Variants in TTBK2 observed in about 807,000 individuals in gnomAD.
The protein encoded by TTBK2 is tau-tubulin kinase 2.
A neutral mutation model predicts 110.8 loss-of-function variants in TTBK2; 28 were observed. The observed-to-expected ratio is 0.25, with a 90% CI of 0.19 to 0.35. The LOEUF is 0.35. TTBK2 is among the 10% of genes least tolerant of loss of function. The pLI is 1.00. For synonymous variants in TTBK2, 532 were observed against 527.3 expected (o/e 1.01, Z -0.12); for missense variants, 1,369 against 1,500.3 (o/e 0.91, Z 1.45).
chr15:42,907,073 C>T (rs1246147847), intron 1 of TTBK2, among the ~76,000 whole-genome samples: 3 of 151,300 alleles, frequency 2.0e-5, no homozygotes, highest in Non-Finnish European at 4.4e-5. Context: ...TGAAAAAATG[C>T]TTAATATCAC....
chr15:42,862,489 T>G (rs1309440416), intron 3 of TTBK2, among the ~76,000 whole-genome samples: 1 of 152,090 alleles, frequency 6.6e-6, no homozygotes, highest in Non-Finnish European at 1.5e-5. Flanking sequence ...AAAAACCATA[T>G]AGTCATCTCA....
chr15:42,748,697 GCCA>G (rs2061827537), intron 14 of TTBK2, among the ~76,000 whole-genome samples: 1 of 152,042 alleles, frequency 6.6e-6, no homozygotes, highest in East Asian at 1.9e-4. Flanking sequence ...ACAGGTGTGA[GCCA>G]CCACATTTGG....
At chr15:42,781,963 T>C (rs138682466) in intron 11 of TTBK2, among the ~76,000 whole-genome samples, 4 of 152,260 alleles carry the variant, frequency 2.6e-5, no homozygotes, top group Admixed American at 2.0e-4. Flanking sequence ...CTTTTATATA[T>C]AGTATAAGTA....
intron 3 of TTBK2, among the ~76,000 whole-genome samples, chr15:42,857,062 C>CAAA (rs766162513): frequency 9.2e-6 from 1 of 108,898 alleles, no homozygotes; most frequent in African/African-American, 3.2e-5. Context: ...CTCTGTCTCA[C>CAAA]AAAAAAAAAA....
At chr15:42,898,115 T>G (rs1895739516) in intron 1 of TTBK2, among the ~76,000 whole-genome samples, 1 of 152,188 alleles carries the variant, frequency 6.6e-6, no homozygotes. Flanking sequence ...CGAGGCTAAC[T>G]GCTTATGACG....
intron 3 of TTBK2, among the ~76,000 whole-genome samples, chr15:42,852,450 A>C (rs1206227834): frequency 6.6e-6 from 1 of 152,228 alleles, no homozygotes; most frequent in South Asian, 2.1e-4. Flanking sequence ...AAAGGGAAAA[A>C]GTAAAATATC....
At chr15:42,903,026 C>CTTTTTAAT (rs2030158394) in intron 1 of TTBK2, among the ~76,000 whole-genome samples, 2 of 150,562 alleles carry the variant, frequency 1.3e-5, no homozygotes, top group South Asian at 4.2e-4. Flanking sequence ...AAAGGGAATT[C>CTTTTTAAT]TTTTTAATTT....
rs2061873319 is a variant in TTBK2 at position 42,752,068 on chromosome 15, C to G, written c.3178G>C (p.Val1060Leu). The change falls in exon 14 of 15, where the codon GTC (valine) becomes CTC (leucine). Residue 1060 changes from valine (V) to leucine (L), a missense_variant. Physicochemically the swap from Val to Leu is conservative, Grantham distance 32 (BLOSUM62 1). This residue lies in a region of TTBK2 where 1,097 missense variants were observed against 1,114.7 expected (regional missense o/e 0.98). Transcript: ENST00000267890. ...KSKIPRPVSW[V>L]NTDQVNSSTS... is the part of the protein sequence containing the mutation. ...GAGCTATTGACCTGATCTGTGTTGA[C>G]CCATGAAACTGGCCTTGGAATTTTG... The G allele has an allele frequency of 6.2e-7, 1 of 1,614,074 alleles. No homozygotes were observed. Among genetic ancestry groups the G allele is most frequent in the African/African-American group, 1.3e-5 (1 of 74,922 alleles).
intron 4 of TTBK2, among the ~76,000 whole-genome samples, chr15:42,836,257 A>T (rs1293777140): frequency 1.3e-5 from 2 of 152,172 alleles, no homozygotes; most frequent in Admixed American, 6.5e-5. Context: ...TTCCTTAAAA[A>T]TTTTTAAGGC....
intron 4 of TTBK2, among the ~76,000 whole-genome samples, chr15:42,834,872 G>A (rs1025597869): frequency 2.0e-5 from 3 of 151,910 alleles, no homozygotes; most frequent in Admixed American, 2.0e-4. Context: ...GTGAGATTCC[G>A]TCTCAAAAAA....
intron 10 of TTBK2, among the ~76,000 whole-genome samples, chr15:42,791,081 G>GT (rs1890655291): frequency 6.6e-6 from 1 of 152,086 alleles, no homozygotes; most frequent in Admixed American, 6.6e-5. Context: ...TAGAGACGGG[G>GT]TTTCACTGTG....
intron 10 of TTBK2, among the ~76,000 whole-genome samples, chr15:42,787,645 A>C (rs1036780057): frequency 6.6e-6 from 1 of 152,234 alleles, no homozygotes; most frequent in Non-Finnish European, 1.5e-5. Flanking sequence ...AATTGTCAAC[A>C]TAAGTATCAT....
intron 12 of TTBK2, 65 bp downstream of exon 12, chr15:42,776,966 C>A: frequency 6.7e-7 from 1 of 1,495,498 alleles, no homozygotes; most frequent in Non-Finnish European, 9.3e-7. Flanking sequence ...ATAATAATAA[C>A]AACAATGACA....
intron 3 of TTBK2, among the ~76,000 whole-genome samples, chr15:42,852,547 G>A (rs1393123784): frequency 6.6e-6 from 1 of 152,150 alleles, no homozygotes; most frequent in Non-Finnish European, 1.5e-5. Flanking sequence ...TGCATATGGA[G>A]CATATATAAA....
chr15:42,880,971 G>C (rs898905350), intron 1 of TTBK2, among the ~76,000 whole-genome samples: 1 of 151,850 alleles, frequency 6.6e-6, no homozygotes, highest in Non-Finnish European at 1.5e-5. Context: ...CTGAGTTTGT[G>C]CCATAGTCAC....
At chr15:42,763,314 A>C (rs1457156221) in intron 13 of TTBK2, among the ~76,000 whole-genome samples, 2 of 136,882 alleles carry the variant, frequency 1.5e-5, no homozygotes, top group Admixed American at 7.8e-5. Flanking sequence ...CCTGGGTTCA[A>C]GCAGTTCTCC....
In TTBK2 at chr15:42,878,490, TATACAC is replaced by T. The variant is rs1388356168; in HGVS notation, c.69+53_69+58del. 6.7e-6 allele frequency: 9 copies of T among 1,343,858 alleles called. No homozygotes were observed. In the African/African-American group the frequency reaches 2.2e-4, roughly 33 times the overall value. The allele number at this position is 1,343,858 out of a possible 1,614,324, so 83.2% of individuals were successfully genotyped here. On this transcript the variant is annotated intron_variant, in intron 2 of 14. Coordinates refer to ENST00000267890, the MANE Select transcript of TTBK2 (RefSeq NM_173500.4). ...ATACCAAAAATTACCCCCCGATATGTATACACACACACACACACACACACACACACA... is the reference window on the plus strand; with the variant it reads ...ATACCAAAAATTACCCCCCGATATGTACACACACACACACACACACACACA...
At chr15:42,746,633 A>G (rs538084633) in intron 14 of TTBK2, among the ~76,000 whole-genome samples, 90 of 152,350 alleles carry the variant, frequency 5.9e-4, no homozygotes, top group African/African-American at 2.1e-3. Context: ...ATGTTAGCAC[A>G]TAAGACAGAG....
At position 42,746,032 on chromosome 15, in the gene TTBK2, G is replaced by A. The variant is rs761907261; in HGVS notation, c.3498C>T (p.Ser1166=). 7 of 1,614,180 alleles carry A rather than the reference G, an allele frequency of 4.3e-6. No individual in the cohort carries two copies. Among genetic ancestry groups the A allele is most frequent in the Non-Finnish European group, 5.9e-6 (7 of 1,180,044 alleles). Residue 1166 remains serine (S), a synonymous_variant, in exon 15 of 15, where the codon TCC becomes TCT. Coordinates refer to ENST00000267890, the MANE Select transcript of TTBK2 (RefSeq NM_173500.4). The stretch of plus-strand genomic sequence containing the variant: ...GGGGCCGTCCAGCCCTAGATGGTGA[G>A]GAACTAGACGTGCGAGGCAAGGATG... ...RSSSLPRTSS[S]SPSRAGRPHH...
Sources: gnomAD v4.1 joint callset for allele counts (sites outside exome capture counted in the v4.1 genomes callset) on GRCh38, gnomAD v4.1.1 for gene constraint, gnomAD v4.1.1 regional missense constraint, MANE v1.5 for transcripts, NCBI Gene and HGNC (gene_info 2026-07-23, HGNC 2026-07-21) for gene names.